Variants in FAM83H observed in about 807,000 individuals in gnomAD.
The protein encoded by FAM83H is protein FAM83H.
In FAM83H, 24 loss-of-function variants were observed where a neutral mutation model predicts 30.2. The ratio of observed to expected loss-of-function variants is 0.79; its 90% CI spans 0.57 to 1.12. The LOEUF (loss-of-function observed/expected upper bound fraction) is 1.12, where lower values mean the gene tolerates loss of function less well. FAM83H is among the 50% of genes most tolerant of loss of function. The pLI, the probability that FAM83H is intolerant of heterozygous loss-of-function variation, is 0.00. For missense variants in FAM83H, 2,038 were observed against 1,773.9 expected (o/e 1.15, Z -2.67); for synonymous variants, 1,013 against 821.7 (o/e 1.23, Z -3.98).
chr8:143,729,249 C>G lies in FAM83H; in HGVS notation c.522G>C (p.Arg174=). The G allele has an allele frequency of 6.2e-7, 1 of 1,613,234 alleles. No homozygotes were observed. Among genetic ancestry groups the G allele is most frequent in the Non-Finnish European group, 8.5e-7 (1 of 1,179,978 alleles). Residue 174 remains arginine (R), a synonymous_variant, in exon 3 of 5, where the codon CGG becomes CGC. Coordinates refer to ENST00000388913, the MANE Select transcript of FAM83H (RefSeq NM_198488.5). ...LSEVLEAAAR[R]VPVYILLDEM... Reference sequence around the variant, plus strand: ...CATCCAGCAGGATGTAGACTGGGACCCGACGGGCCGCGGCCTCCAGCACTT... The same window carrying G: ...CATCCAGCAGGATGTAGACTGGGACGCGACGGGCCGCGGCCTCCAGCACTT...
intron 1 of FAM83H, among the ~76,000 whole-genome samples, chr8:143,730,906 C>A (rs1266972872): frequency 6.6e-6 from 1 of 152,108 alleles, no homozygotes; most frequent in Non-Finnish European, 1.5e-5. Flanking sequence ...CCAGCCTGGG[C>A]AACACAGCAA....
intron 2 of FAM83H, among the ~76,000 whole-genome samples, chr8:143,729,542 G>A (rs145965112): frequency 5.3e-5 from 8 of 152,320 alleles, no homozygotes; most frequent in South Asian, 2.1e-4. Context: ...GGAAACCGAG[G>A]CAGGTGCAGG....
chr8:143,728,676 A>G lies in FAM83H; in HGVS notation c.785T>C (p.Phe262Ser). 6.2e-7 allele frequency: 1 copy of G among 1,603,036 alleles called. No homozygotes were observed. Among genetic ancestry groups the G allele is most frequent in the Non-Finnish European group, 8.5e-7 (1 of 1,179,862 alleles). ...EKIHRSLAHV[F>S]QGELVSSFDE... Reference sequence around the variant, plus strand: ...GAAGCTGGAGACCAGCTCTCCTTGGAACACGTGCGCCAGGCTGCGGTGGAT... The same window carrying G: ...GAAGCTGGAGACCAGCTCTCCTTGGGACACGTGCGCCAGGCTGCGGTGGAT... Residue 262 changes from phenylalanine (F) to serine (S), a missense_variant, in exon 5 of 5, where the codon TTC becomes TCC. Phe to Ser is a radical substitution (Grantham distance 155). Transcript: ENST00000388913.
rs782431614 is a variant in FAM83H, at chr8:143,727,427, G to C, written c.2034C>G (p.Arg678=). The C allele has an allele frequency of 8.9e-6, 14 of 1,572,238 alleles. No homozygotes were observed. The highest frequency in any genetic ancestry group is 1.0e-5 in the Non-Finnish European group (12 of 1,166,914). Residue 678 remains arginine (R), a synonymous_variant, in exon 5 of 5, where the codon CGC becomes CGG. Coordinates refer to ENST00000388913, the MANE Select transcript of FAM83H (RefSeq NM_198488.5). ...FRSRLNPLVQ[R]SSRLRSSLIF... ...TGAGCGAGGAGCGCAGCCTGGAGCT[G>C]CGCTGGACCAGGGGGTTCAGGCGCG...
chr8:143,728,807 C>A, intron 4 of FAM83H, 84 bp from the exon 5 acceptor site: 1 of 1,597,382 alleles, frequency 6.3e-7, no homozygotes, highest in Non-Finnish European at 8.5e-7. Context: ...GCGCGGAGGA[C>A]GCAGGGATGT....
intron 1 of FAM83H, chr8:143,731,552 G>A (rs555254459): frequency 1.1e-5 from 11 of 985,036 alleles, no homozygotes; most frequent in Admixed American, 1.2e-4. Context: ...CCTAGACTCC[G>A]TCCCTGTCTC....
In FAM83H at chr8:143,727,618, C is replaced by G. The variant is rs568277784; in HGVS notation, c.1843G>C (p.Ala615Pro). The G allele has an allele frequency of 2.1e-4, 329 of 1,580,254 alleles. No individual in the cohort carries two copies. The African/African-American group carries it at 3.0e-3, about 14-fold the overall frequency. ...CCGGCAGGTGCCCGGCCCCCGGGAG[C>G]CAGCACGTCGTCTTCGTAAGCCTCC... Reference protein sequence around the residue: ...EAEAYEDDVLAPGGRAPAGDL... With the variant: ...EAEAYEDDVLPPGGRAPAGDL... The change falls in exon 5 of 5, where the codon GCT becomes CCT. Residue 615 changes from alanine (A) to proline (P), a missense_variant. By Grantham distance (27) the Ala-to-Pro change is conservative (BLOSUM62 -1). Transcript: ENST00000388913.
chr8:143,727,442 G>C lies in FAM83H; in HGVS notation c.2019C>G (p.Asn673Lys). Residue 673 changes from asparagine (N) to lysine (K), a missense_variant, in exon 5 of 5, where the codon AAC (asparagine) becomes AAG (lysine). Coordinates refer to ENST00000388913, the MANE Select transcript of FAM83H (RefSeq NM_198488.5). Reference sequence around the variant, plus strand: ...GCCTGGAGCTGCGCTGGACCAGGGGGTTCAGGCGCGAGCGGAATGAGTCCT... The same window carrying C: ...GCCTGGAGCTGCGCTGGACCAGGGGCTTCAGGCGCGAGCGGAATGAGTCCT... Reference protein sequence around the residue: ...AKQDSFRSRLNPLVQRSSRLR... With the variant: ...AKQDSFRSRLKPLVQRSSRLR... 6.4e-7 allele frequency: 1 copy of C among 1,571,458 alleles called. No individual in the cohort carries two copies. The highest frequency in any genetic ancestry group is 8.6e-7 in the Non-Finnish European group (1 of 1,166,294).
chr8:143,726,617 G>A lies in FAM83H; in HGVS notation c.2844C>T (p.Ala948=), dbSNP rs1257075258. The A allele has an allele frequency of 3.1e-6, 5 of 1,599,284 alleles. No homozygotes were observed. The African/African-American group carries it at 4.0e-5, about 13-fold the overall frequency. ...CGCTCGGCCCCTCCTCCGCGGGCCC[G>A]GCCTTCGGGGACTCCCCGGAGATGG... is the stretch of plus-strand genomic sequence containing the variant. ...TLTISGESPK[A]GPAEEGPSGP... is the part of the protein sequence containing the mutation. Residue 948 remains alanine (A), a synonymous_variant, in exon 5 of 5, where the codon GCC becomes GCT. Transcript: ENST00000388913.
At chr8:143,730,700 G>T in intron 1 of FAM83H, 103 bp from the exon 2 acceptor site, 1 of 895,122 alleles carries the variant, frequency 1.1e-6, no homozygotes, top group Non-Finnish European at 1.6e-6. Flanking sequence ...GACTTGGGTA[G>T]GCTGGAGTTT....
intron 1 of FAM83H, chr8:143,732,158 G>A (rs1043054517): frequency 2.2e-5 from 22 of 985,402 alleles, no homozygotes; most frequent in East Asian, 1.1e-4. Context: ...GGAGGCAGCC[G>A]TCCTGCCTGG....
In FAM83H at chr8:143,726,137, C is replaced by G. The variant is rs782257897; in HGVS notation, c.3324G>C (p.Thr1108=). The change falls in exon 5 of 5, where the codon ACG becomes ACC. Residue 1108 remains threonine (T), a synonymous_variant. Coordinates refer to ENST00000388913, the MANE Select transcript of FAM83H (RefSeq NM_198488.5). The part of the protein sequence containing the change: ...SLGTQGRLSR[T]LPASAEERDR... ...CGCGCTCCTCCGCGCTGGCTGGCAG[C>G]GTGCGGCTCAGCCGGCCCTGGGTCC... 3.3e-5 allele frequency: 53 copies of G among 1,611,342 alleles called. No homozygotes were observed. Among genetic ancestry groups the G allele is most frequent in the Non-Finnish European group, 4.3e-5 (51 of 1,179,332 alleles).
chr8:143,732,719 T>C (rs1379315640), intron 1 of FAM83H: 1 of 985,422 alleles, frequency 1.0e-6, no homozygotes. Flanking sequence ...TCCTGGGCTA[T>C]GGACGGGGCT....
At chr8:143,732,422 C>A (rs904533318) in intron 1 of FAM83H, 2 of 985,274 alleles carry the variant, frequency 2.0e-6, no homozygotes, top group Admixed American at 1.2e-4. Context: ...GCCAGCCTGT[C>A]TGTAGGGGCG....
At chr8:143,730,656 C>A in intron 1 of FAM83H, 59 bp from the exon 2 acceptor site, 1 of 1,190,954 alleles carries the variant, frequency 8.4e-7, no homozygotes, top group South Asian at 1.6e-5. Flanking sequence ...CTCCTACCCT[C>A]GAGCATGGAC....
Position 143,728,389 on chromosome 8 carries a change from C to T in FAM83H, c.1072G>A (p.Glu358Lys). 2 of 1,546,418 alleles carry T rather than the reference C, an allele frequency of 1.3e-6. No individual in the cohort carries two copies. Among genetic ancestry groups the T allele is most frequent in the Non-Finnish European group, 1.7e-6 (2 of 1,144,774 alleles). The change falls in exon 5 of 5, where the codon GAG becomes AAG. Residue 358 changes from glutamate (E) to lysine (K), a missense_variant. Transcript: ENST00000388913. ...RHFLSAFRRE[E>K]PPRMPGGALE... ...GCGCCCCCCGGCATCCGCGGCGGCTCCTCCCGGCGGAAGGCCGACAGGAAG... is the reference window on the plus strand; with the variant it reads ...GCGCCCCCCGGCATCCGCGGCGGCTTCTCCCGGCGGAAGGCCGACAGGAAG...
chr8:143,730,671 T>C, intron 1 of FAM83H, 74 bp from the exon 2 acceptor site: 1 of 1,097,624 alleles, frequency 9.1e-7, no homozygotes, highest in Non-Finnish European at 1.3e-6. Context: ...ATGGACACAC[T>C]GTGGAAAGGG....
chr8:143,728,583 C>CG lies in FAM83H; in HGVS notation c.877dup (p.Arg293ProfsTer32). The CG allele has an allele frequency of 6.2e-7, 1 of 1,601,748 alleles. No homozygotes were observed. Among genetic ancestry groups the CG allele is most frequent in the Non-Finnish European group, 8.5e-7 (1 of 1,175,156 alleles). On this transcript the variant is annotated frameshift_variant, in exon 5 of 5. Transcript: ENST00000388913. LOFTEE classifies it low-confidence loss of function (END_TRUNC). ...CGGAGCCAGGGCATAGGCGTCCATG[C>CG]GGGCCAGGGCCGCGGCCGAGGGCAC...
Position 143,729,324 on chromosome 8 carries a change from C to A in FAM83H, c.448-1G>T. ...ACATGTCCATCACCACGGCCACCAC[C>A]TGCAGGGGCGGGTCAGGACGGAGAG... On this transcript the variant is annotated splice_acceptor_variant, in intron 2 of 4. Coordinates refer to ENST00000388913, the MANE Select transcript of FAM83H (RefSeq NM_198488.5). LOFTEE classifies it high-confidence loss of function. 1 of 1,613,000 alleles carries A rather than the reference C, an allele frequency of 6.2e-7. No individual in the cohort carries two copies.
Sources: gnomAD v4.1 joint callset for allele counts (sites outside exome capture counted in the v4.1 genomes callset) on GRCh38, gnomAD v4.1.1 for gene constraint, MANE v1.5 for transcripts, NCBI Gene and HGNC (gene_info 2026-07-23, HGNC 2026-07-21) for gene names.